ADAM19: variants seen among roughly 807,000 people sequenced by gnomAD.
ADAM19 encodes the protein ADAM metallopeptidase domain 19, also known as disintegrin and metalloproteinase domain-containing protein 19.
ADAM19 carries 65 observed loss-of-function variants against 114.7 expected under a neutral mutation model. The observed-to-expected ratio is 0.57, with a 90% CI of 0.46 to 0.70. The LOEUF (loss-of-function observed/expected upper bound fraction) is 0.70. Among genes scored for constraint, ADAM19 ranks in the 30% least tolerant of loss-of-function variants. The pLI, the probability that ADAM19 is intolerant of heterozygous loss-of-function variation, is 0.00. For missense variants in ADAM19, 1,063 were observed against 1,204.7 expected (o/e 0.88, Z 1.74); for synonymous variants, 466 against 460.5 (o/e 1.01, Z -0.15).
chr5:157,546,332 G>A (rs936881752), intron 3 of ADAM19, among the ~76,000 whole-genome samples: 1 of 152,214 alleles, frequency 6.6e-6, no homozygotes, highest in East Asian at 1.9e-4. Context: ...GCATGCATGT[G>A]TGCGTGTTGA....
chr5:157,550,706 A>T (rs1227164918), intron 3 of ADAM19, among the ~76,000 whole-genome samples: 1 of 151,608 alleles, frequency 6.6e-6, no homozygotes, highest in Non-Finnish European at 1.5e-5. Context: ...AAAAAAGACA[A>T]GAGAGCTTGG....
chr5:157,575,202 C>T (rs1757938169), intron 1 of ADAM19, among the ~76,000 whole-genome samples: 1 of 152,216 alleles, frequency 6.6e-6, no homozygotes. Flanking sequence ...GCTCGGGATG[C>T]TCGGCGTTGG....
At chr5:157,555,659 C>A (rs1757347980) in intron 3 of ADAM19, among the ~76,000 whole-genome samples, 2 of 152,208 alleles carry the variant, frequency 1.3e-5, no homozygotes, top group South Asian at 4.1e-4. Context: ...ATCTCCTAAC[C>A]TCACAAACCC....
At chr5:157,512,535 C>T (rs1258139262) in intron 8 of ADAM19, among the ~76,000 whole-genome samples, 1 of 152,202 alleles carries the variant, frequency 6.6e-6, no homozygotes. Flanking sequence ...CTATATACTA[C>T]TAGCCTACCA....
At chr5:157,507,221 A>C (rs1296291100) in intron 9 of ADAM19, 81 bp from the exon 10 acceptor site, 6 of 1,425,712 alleles carry the variant, frequency 4.2e-6, no homozygotes, top group Non-Finnish European at 5.9e-6. Flanking sequence ...AGTGGCCATC[A>C]CGGGGTTCCC....
intron 3 of ADAM19, 147 bp from the exon 4 acceptor site, chr5:157,538,138 C>A: frequency 2.0e-6 from 1 of 504,364 alleles, no homozygotes; most frequent in Non-Finnish European, 3.5e-6. Context: ...GGCTAAGGAA[C>A]AAAAAGGAAA....
In ADAM19 at chr5:157,503,047, G is replaced by A. The variant is rs1163941313; in HGVS notation, c.1131-67C>T. Reference sequence around the variant, plus strand: ...TCTAGCAGTCAGGCAGGTGTCACTCGTGCTGTCACTCCTGCTACCCGTGGG... The same window carrying A: ...TCTAGCAGTCAGGCAGGTGTCACTCATGCTGTCACTCCTGCTACCCGTGGG... On this transcript the variant is annotated intron_variant, in intron 11 of 22. Coordinates refer to ENST00000257527, the MANE Select transcript of ADAM19 (RefSeq NM_033274.5). 2.0e-5 allele frequency: 29 copies of A among 1,475,814 alleles called. 1 individual carries two copies. Among genetic ancestry groups the A allele is most frequent in the South Asian group, 3.7e-5 (3 of 80,322 alleles). The allele number at this position is 1,475,814 out of a possible 1,614,324, so 91.4% of individuals were successfully genotyped here.
intron 2 of ADAM19, among the ~76,000 whole-genome samples, chr5:157,570,063 C>T (rs570907401): frequency 4.9e-4 from 75 of 152,266 alleles, no homozygotes; most frequent in African/African-American, 1.7e-3. Context: ...AGTTCGAGAC[C>T]ACCCTGGACA....
intron 11 of ADAM19, among the ~76,000 whole-genome samples, chr5:157,503,263 G>A (rs987512347): frequency 6.6e-6 from 1 of 152,148 alleles, no homozygotes; most frequent in African/African-American, 2.4e-5. Context: ...AACACCGGAT[G>A]TTCTCACTCA....
At chr5:157,513,162 CA>C (rs201229093) in intron 8 of ADAM19, among the ~76,000 whole-genome samples, 9 of 148,834 alleles carry the variant, frequency 6.0e-5, no homozygotes, top group South Asian at 2.1e-4. Flanking sequence ...ATAAAAATAA[CA>C]AAAAAAAACC....
At chr5:157,511,634 T>C (rs949520897) in intron 8 of ADAM19, among the ~76,000 whole-genome samples, 16 of 152,360 alleles carry the variant, frequency 1.1e-4, no homozygotes, top group African/African-American at 3.8e-4. Context: ...AGGGAGCTTT[T>C]GAAGGAAGTA....
intron 15 of ADAM19, among the ~76,000 whole-genome samples, chr5:157,494,389 T>C (rs1744451457): frequency 6.6e-6 from 1 of 152,116 alleles, no homozygotes; most frequent in Non-Finnish European, 1.5e-5. Flanking sequence ...TAGGGCATGA[T>C]TAGAATTTGG....
chr5:157,512,181 C>A (rs1006402185), intron 8 of ADAM19, among the ~76,000 whole-genome samples: 13 of 152,140 alleles, frequency 8.5e-5, no homozygotes, highest in African/African-American at 3.1e-4. Flanking sequence ...TCTGTCCTTC[C>A]AGGAAATGCC....
intron 8 of ADAM19, among the ~76,000 whole-genome samples, chr5:157,511,594 G>C (rs1755922745): frequency 6.6e-6 from 1 of 152,154 alleles, no homozygotes; most frequent in Non-Finnish European, 1.5e-5. Context: ...AAAATAAAAG[G>C]TTCAGATTCC....
intron 4 of ADAM19, among the ~76,000 whole-genome samples, chr5:157,533,821 T>A (rs1756689466): frequency 6.6e-6 from 1 of 151,834 alleles, no homozygotes; most frequent in African/African-American, 2.4e-5. Flanking sequence ...TACAAAAAAT[T>A]AGCTGGGCAT....
intron 4 of ADAM19, among the ~76,000 whole-genome samples, chr5:157,531,119 C>T (rs11465283): frequency 0.085 from 13,002 of 152,176 alleles, 734 homozygotes; most frequent in South Asian, 0.16. Flanking sequence ...AAAGCTGAGG[C>T]TCAAAGGAGC....
chr5:157,507,105 G>A lies in ADAM19; in HGVS notation c.941C>T (p.Ala314Val), dbSNP rs759999401. The A allele has an allele frequency of 6.2e-7, 1 of 1,614,134 alleles. No homozygotes were observed. Among genetic ancestry groups the A allele is most frequent in the Non-Finnish European group, 8.5e-7 (1 of 1,180,004 alleles). Reference sequence around the variant, plus strand: ...CACAGAGCACATGGCCATGAGGGGGGCCAGGCCGATGGTGGTGCCGTGGAA... The same window carrying A: ...CACAGAGCACATGGCCATGAGGGGGACCAGGCCGATGGTGGTGCCGTGGAA... ...MSFHGTTIGLAPLMAMCSVYQ... is the reference protein window; with the variant it reads ...MSFHGTTIGLVPLMAMCSVYQ... Residue 314 changes from alanine (A) to valine (V), a missense_variant, in exon 10 of 23, where the codon GCC becomes GTC. By Grantham distance (64) the Ala-to-Val change is moderately conservative. Coordinates refer to ENST00000257527, the MANE Select transcript of ADAM19 (RefSeq NM_033274.5).
Position 157,519,898 on chromosome 5 carries a change from G to A in ADAM19, c.541C>T (p.Pro181Ser), listed in dbSNP as rs755837277. 3.1e-6 allele frequency: 5 copies of A among 1,614,090 alleles called. No individual in the cohort carries two copies. In the South Asian group the frequency reaches 3.3e-5, roughly 11 times the overall value. ...TGAAGAGCCCAGTCCCTGGTGGTGG[G>A]CTTGGAGTGCTCGAACCCACAGTTT... ...PGNCGFEHSK[P>S]TTRDWALQFT... is the part of the protein sequence containing the mutation. Residue 181 changes from proline (P) to serine (S), a missense_variant, in exon 6 of 23, where the codon CCC (proline) becomes TCC (serine). Pro to Ser is a moderately conservative substitution (Grantham distance 74). This residue lies in a region of ADAM19 where 615 missense variants were observed against 706.3 expected (regional missense o/e 0.87). Coordinates refer to ENST00000257527, the MANE Select transcript of ADAM19 (RefSeq NM_033274.5).
intron 6 of ADAM19, 49 bp downstream of exon 6, chr5:157,519,790 A>G: frequency 6.5e-7 from 1 of 1,535,514 alleles, no homozygotes; most frequent in Non-Finnish European, 8.8e-7. Context: ...CTCAGAGGGG[A>G]CAAGCCTGTC....
Sources: allele counts gnomAD v4.1 joint callset (sites outside exome capture counted in the v4.1 genomes callset), GRCh38; gene constraint gnomAD v4.1.1; regional missense constraint gnomAD v4.1.1; transcripts MANE v1.5; gene names NCBI Gene and HGNC (gene_info 2026-07-23, HGNC 2026-07-21).